The following RICTOR variants were observed in gnomAD, a reference collection of about 807,000 sequenced individuals.
RICTOR encodes the protein RPTOR independent companion of MTOR complex 2.
RICTOR carries 49 observed loss-of-function variants against 214.9 expected under a neutral mutation model. That is an observed-to-expected ratio of 0.23 (90% CI 0.18 to 0.29). The LOEUF (loss-of-function observed/expected upper bound fraction) is 0.29. Among genes scored for constraint, RICTOR ranks in the 10% least tolerant of loss-of-function variants. The pLI is 1.00. For missense variants in RICTOR, 1,625 were observed against 2,047.0 expected (o/e 0.79, Z 3.98); for synonymous variants, 717 against 711.3 (o/e 1.01, Z -0.13).
At chr5:38,978,944 CTAT>C (rs1278645144) in intron 8 of RICTOR, among the ~76,000 whole-genome samples, 3 of 152,108 alleles carry the variant, frequency 2.0e-5, no homozygotes, top group African/African-American at 7.2e-5. Flanking sequence ...CCTCAAAGCT[CTAT>C]TATACCTTTG....
At chr5:38,980,205 T>A (rs1751588036) in intron 8 of RICTOR, among the ~76,000 whole-genome samples, 1 of 152,206 alleles carries the variant, frequency 6.6e-6, no homozygotes, top group African/African-American at 2.4e-5. Context: ...TTTTCCTCTA[T>A]CTGAATCACC....
intron 7 of RICTOR, among the ~76,000 whole-genome samples, chr5:38,984,329 T>C (rs986284243): frequency 6.6e-6 from 1 of 152,236 alleles, no homozygotes; most frequent in Non-Finnish European, 1.5e-5. Context: ...ACAATTTAGA[T>C]TACATAATCT....
intron 2 of RICTOR, among the ~76,000 whole-genome samples, chr5:39,039,714 A>C (rs1356859844): frequency 1.3e-5 from 2 of 152,202 alleles, no homozygotes; most frequent in Non-Finnish European, 2.9e-5. Context: ...ACACATGAAA[A>C]AGTGCTCATC....
At chr5:39,006,959 CA>C (rs1411867314) in intron 3 of RICTOR, among the ~76,000 whole-genome samples, 6 of 152,054 alleles carry the variant, frequency 3.9e-5, no homozygotes, top group African/African-American at 1.4e-4. Flanking sequence ...CTGTCTTGTA[CA>C]GTGTTGAAAG....
At chr5:39,047,565 G>A (rs983187815) in intron 2 of RICTOR, among the ~76,000 whole-genome samples, 6 of 151,982 alleles carry the variant, frequency 3.9e-5, no homozygotes, top group African/African-American at 1.5e-4. Context: ...ACATTATAAT[G>A]GTATCCTGTT....
intron 2 of RICTOR, among the ~76,000 whole-genome samples, chr5:39,023,346 T>C (rs574616794): frequency 1.3e-5 from 2 of 150,462 alleles, no homozygotes; most frequent in East Asian, 2.0e-4. Context: ...AGAAGTTACA[T>C]AGAGCAAAGC....
chr5:38,993,016 G>A (rs1031108802), intron 6 of RICTOR, among the ~76,000 whole-genome samples: 3 of 152,144 alleles, frequency 2.0e-5, no homozygotes, highest in African/African-American at 7.2e-5. Context: ...ATGAAGAGTA[G>A]GAAGGAAGTA....
chr5:39,050,359 C>CG (rs950949802), intron 2 of RICTOR, among the ~76,000 whole-genome samples: 2 of 151,464 alleles, frequency 1.3e-5, no homozygotes, highest in African/African-American at 4.9e-5. Context: ...TTTTTTGAGA[C>CG]GGGGTCTCTC....
intron 10 of RICTOR, 64 bp from the exon 11 acceptor site, chr5:38,972,023 G>T (rs1037672957): frequency 1.4e-6 from 1 of 702,994 alleles, no homozygotes; most frequent in East Asian, 2.6e-5. Flanking sequence ...CTATGGCAAT[G>T]TATAATATAA....
chr5:39,072,850 G>A (rs1426652264), intron 2 of RICTOR, among the ~76,000 whole-genome samples: 2 of 152,082 alleles, frequency 1.3e-5, no homozygotes, highest in Non-Finnish European at 2.9e-5. Flanking sequence ...CTTGTAAAAG[G>A]ACCTAGTTCA....
At chr5:39,021,760 T>C (rs375456951) in intron 2 of RICTOR, among the ~76,000 whole-genome samples, 1 of 152,090 alleles carries the variant, frequency 6.6e-6, no homozygotes, top group Non-Finnish European at 1.5e-5. Context: ...AATCTCTGTA[T>C]TTTATAAATC....
intron 2 of RICTOR, among the ~76,000 whole-genome samples, chr5:39,039,703 A>C (rs921164003): frequency 2.6e-5 from 4 of 152,188 alleles, no homozygotes; most frequent in Non-Finnish European, 5.9e-5. Context: ...GCAGCCAAAA[A>C]ACACATGAAA....
chr5:38,988,355 G>C (rs1183047028), intron 7 of RICTOR, among the ~76,000 whole-genome samples: 2 of 152,124 alleles, frequency 1.3e-5, no homozygotes, highest in Non-Finnish European at 2.9e-5. Flanking sequence ...CTAAGAACTT[G>C]CTTTATGAAT....
chr5:39,020,471 C>A (rs966293488), intron 3 of RICTOR, among the ~76,000 whole-genome samples: 49 of 152,262 alleles, frequency 3.2e-4, no homozygotes, highest in African/African-American at 1.1e-3. Context: ...ACAAAAAAAA[C>A]CCCACAATTT....
At chr5:39,031,318 T>A (rs1044300385) in intron 2 of RICTOR, among the ~76,000 whole-genome samples, 2 of 152,210 alleles carry the variant, frequency 1.3e-5, no homozygotes, top group African/African-American at 2.4e-5. Context: ...CTTTTCCACC[T>A]TAAGGGAAAA....
intron 15 of RICTOR, 106 bp downstream of exon 15, chr5:38,966,535 C>A (rs1750239264): frequency 6.0e-6 from 4 of 671,000 alleles, no homozygotes; most frequent in Non-Finnish European, 1.0e-5. Context: ...ATAAGAAATG[C>A]AAATTTATTT....
At chr5:38,974,576 T>C (rs1296964651) in intron 10 of RICTOR, among the ~76,000 whole-genome samples, 1 of 151,928 alleles carries the variant, frequency 6.6e-6, no homozygotes, top group Non-Finnish European at 1.5e-5. Flanking sequence ...GGAAGATGAC[T>C]GTAACTACAG....
At chr5:39,025,790 C>T (rs1292944659) in intron 2 of RICTOR, among the ~76,000 whole-genome samples, 1 of 152,182 alleles carries the variant, frequency 6.6e-6, no homozygotes, top group African/African-American at 2.4e-5. Context: ...CTCCCAGAGG[C>T]CCACCTCCTA....
intron 3 of RICTOR, among the ~76,000 whole-genome samples, chr5:39,010,004 T>C (rs1754375753): frequency 6.6e-6 from 1 of 152,246 alleles, no homozygotes. Context: ...GGTTTGGCTC[T>C]GTGTCCCCAC....
Sources: allele counts gnomAD v4.1 joint callset (sites outside exome capture counted in the v4.1 genomes callset), GRCh38; gene constraint gnomAD v4.1.1; transcripts MANE v1.5; gene names NCBI Gene and HGNC (gene_info 2026-07-23, HGNC 2026-07-21).